BLM: variants seen among roughly 807,000 people sequenced by gnomAD.
BLM encodes BLM RecQ like helicase, also known as recQ-like DNA helicase BLM.
A neutral mutation model predicts 135.3 loss-of-function variants in BLM; 95 were observed. The ratio of observed to expected loss-of-function variants is 0.70; its 90% CI spans 0.59 to 0.83. The LOEUF is 0.83. Ranked by LOEUF, BLM falls within the 40% of genes least tolerant of loss-of-function variation. BLM has a pLI of 0.00. For missense variants in BLM, 1,518 were observed against 1,663.9 expected (o/e 0.91, Z 1.53); for synonymous variants, 520 against 589.2 (o/e 0.88, Z 1.70).
At position 90,765,317 on chromosome 15, in the gene BLM, A is replaced by G. The variant is rs1420055119; in HGVS notation, c.2096A>G (p.Tyr699Cys). 11 of 1,612,810 alleles carry G rather than the reference A, an allele frequency of 6.8e-6. No homozygotes were observed. The highest frequency in any genetic ancestry group is 9.3e-6 in the Non-Finnish European group (11 of 1,178,820). Residue 699 changes from tyrosine (Y) to cysteine (C), a missense_variant, in exon 9 of 22, where the codon TAC (tyrosine) becomes TGC (cysteine). Physicochemically the swap from Tyr to Cys is radical, Grantham distance 194. Transcript: ENST00000355112. ...MPTGGGKSLC[Y>C]QLPACVSPGV... ...TCAGGAGGTGGTAAGAGTTTGTGTT[A>G]CCAGCTCCCTGCCTGTGTTTCTCCT...
At chr15:90,799,626 T>TAAAAAAAAAAAAAAAAAAA (rs10600094) in intron 17 of BLM, among the ~76,000 whole-genome samples, 2 of 108,748 alleles carry the variant, frequency 1.8e-5, no homozygotes, top group South Asian at 3.0e-4. Flanking sequence ...AAGATGCCTG[T>TAAAAAAAAAAAAAAAAAAA]AAAAAAAAAA....
rs1897522215 is a variant in BLM at position 90,815,046 on chromosome 15, G to GT, written c.4077-55dup. The GT allele has an allele frequency of 8.2e-7, 1 of 1,216,194 alleles. No homozygotes were observed. Among genetic ancestry groups the GT allele is most frequent in the Admixed American group, 1.9e-5 (1 of 52,628 alleles). 75.3% of individuals were successfully genotyped at this position (1,216,194 alleles called of 1,614,324 possible). ...TAGCTCTGTGCAGGTTGAGAGGAAG[G>GT]TCATTCATTTTTGGTTTCATTTAAC... On this transcript the variant is annotated intron_variant, in intron 21 of 21. Coordinates refer to ENST00000355112, the MANE Select transcript of BLM (RefSeq NM_000057.4). The surrounding 1 kb of genome is among the most constrained non-coding windows in gnomAD (Gnocchi z 4.6).
At chr15:90,719,028 G>A (rs952375324) in intron 1 of BLM, among the ~76,000 whole-genome samples, 2 of 152,140 alleles carry the variant, frequency 1.3e-5, no homozygotes, top group African/African-American at 4.8e-5. Context: ...GTCTCGCTCT[G>A]TCGCCCAGGC....
chr15:90,719,254 G>A (rs1484297517), intron 1 of BLM, among the ~76,000 whole-genome samples: 2 of 152,192 alleles, frequency 1.3e-5, no homozygotes, highest in Non-Finnish European at 2.9e-5. Flanking sequence ...GCCTCCCAAG[G>A]TGCTGGGATT....
chr15:90,805,149 T>TC (rs1897260997), intron 19 of BLM, among the ~76,000 whole-genome samples: 1 of 151,642 alleles, frequency 6.6e-6, no homozygotes, highest in Non-Finnish European at 1.5e-5. Flanking sequence ...ACTTATTCTT[T>TC]TTTTTTTAAG....
chr15:90,762,933 A>C (rs903549703), intron 7 of BLM, 33 bp from the exon 8 acceptor site: 2 of 1,585,268 alleles, frequency 1.3e-6, no homozygotes, highest in South Asian at 1.1e-5. Context: ...GTATTCATGT[A>C]CTGATTTTTC....
intron 19 of BLM, among the ~76,000 whole-genome samples, chr15:90,805,952 C>T (rs1372794027): frequency 6.6e-6 from 1 of 151,948 alleles, no homozygotes; most frequent in Non-Finnish European, 1.5e-5. Flanking sequence ...TGGGTTCAAA[C>T]GATTCTCCTG....
At chr15:90,755,006 G>T in intron 5 of BLM, 68 bp downstream of exon 5, 1 of 1,570,066 alleles carries the variant, frequency 6.4e-7, no homozygotes. Flanking sequence ...GTAACACAAA[G>T]ATTGTGTTTT....
At position 90,815,046 on chromosome 15, in the gene BLM, G is replaced by T. The variant is rs919498905; in HGVS notation, c.4077-56G>T. 8.2e-7 allele frequency: 1 copy of T among 1,216,294 alleles called. No homozygotes were observed. Among genetic ancestry groups the T allele is most frequent in the Non-Finnish European group, 1.2e-6 (1 of 853,640 alleles). The allele number at this position is 1,216,294 out of a possible 1,614,324, so 75.3% of individuals were successfully genotyped here. On this transcript the variant is annotated intron_variant, in intron 21 of 21. Transcript: ENST00000355112. This position sits in a 1 kb window ranked among gnomAD's most constrained non-coding sequence, Gnocchi z 4.6. ...TAGCTCTGTGCAGGTTGAGAGGAAGGTCATTCATTTTTGGTTTCATTTAAC... is the reference window on the plus strand; with the variant it reads ...TAGCTCTGTGCAGGTTGAGAGGAAGTTCATTCATTTTTGGTTTCATTTAAC...
chr15:90,748,185 C>T lies in BLM; in HGVS notation c.98+695C>T, dbSNP rs575132015. On this transcript the variant is annotated intron_variant, in intron 2 of 21. Transcript: ENST00000355112. ...GTGCCATGGCACAATCTTAGCTCAC[C>T]GCAACCTCCGTCTTCCGGGTTCAAG... Among the ~76,000 whole-genome samples the T allele has an allele frequency of 6.0e-5, 9 of 150,450 alleles. No homozygotes were observed. In the South Asian group the frequency reaches 8.5e-4, roughly 14 times the overall value.
At chr15:90,726,480 CT>C (rs1299965210) in intron 1 of BLM, among the ~76,000 whole-genome samples, 1 of 152,072 alleles carries the variant, frequency 6.6e-6, no homozygotes, top group Non-Finnish European at 1.5e-5. Context: ...GTTGGTCAGG[CT>C]GATCTCAAAC....
At position 90,769,323 on chromosome 15, in the gene BLM, C is replaced by T. The variant is rs898405034; in HGVS notation, c.2406+92C>T. ...TGAATAAAAACCCACACTGAGTGAA[C>T]GAGTCTCCTATTTTACTGAAGAATA... On this transcript the variant is annotated intron_variant, in intron 11 of 21. Coordinates refer to ENST00000355112, the MANE Select transcript of BLM (RefSeq NM_000057.4). The T allele has an allele frequency of 1.0e-5, 16 of 1,535,764 alleles. 1 individual carries two copies. Among genetic ancestry groups the T allele is most frequent in the East Asian group, 4.5e-5 (2 of 44,476 alleles).
At chr15:90,800,967 G>T (rs549923279) in intron 17 of BLM, among the ~76,000 whole-genome samples, 1 of 152,152 alleles carries the variant, frequency 6.6e-6, no homozygotes, top group Non-Finnish European at 1.5e-5. Flanking sequence ...GGCCAACATG[G>T]CAAAACCTCA....
Position 90,815,280 on chromosome 15 carries a change from C to T in BLM, c.*1C>T, listed in dbSNP as rs1897534306. ...TAAGCCTTCATATGCATTCTCATAA[C>T]AACCGAATCTCAATGTACATAGACC... On this transcript the variant is annotated 3_prime_UTR_variant, in exon 22 of 22. Transcript: ENST00000355112. The surrounding 1 kb of genome is among the most constrained non-coding windows in gnomAD (Gnocchi z 4.6). 1 of 1,613,540 alleles carries T rather than the reference C, an allele frequency of 6.2e-7. No individual in the cohort carries two copies. The highest frequency in any genetic ancestry group is 8.5e-7 in the Non-Finnish European group (1 of 1,179,480).
chr15:90,785,998 CTT>C lies in BLM; in HGVS notation c.2823+939_2823+940del, dbSNP rs869185558. On this transcript the variant is annotated intron_variant, in intron 14 of 21. Coordinates refer to ENST00000355112, the MANE Select transcript of BLM (RefSeq NM_000057.4). ...GACATTTGGCTTGTTTCGTTTCTTT[CTT>C]TTTTTTTTTTTTTTTTTTTTTGAGA... is the stretch of plus-strand genomic sequence containing the variant. Among the ~76,000 whole-genome samples, 535 of 110,640 alleles carry C rather than the reference CTT, an allele frequency of 4.8e-3. 2 individuals are homozygous for C. The highest frequency in any genetic ancestry group is 0.016 in the African/African-American group (510 of 32,572). The allele number at this position is 110,640 out of a possible 152,430, so 72.6% of individuals were successfully genotyped here. A position where few individuals can be genotyped will look rare whatever the true frequency, so the allele number is the denominator to read the frequency against.
intron 14 of BLM, chr15:90,790,356 G>T (rs28385072): frequency 2.4e-6 from 1 of 420,136 alleles, no homozygotes; most frequent in East Asian, 5.1e-5. Flanking sequence ...CACATCGTGG[G>T]CTGACTGCAG....
rs751765688 is a variant in BLM at position 90,803,533 on chromosome 15, C to G, written c.3371C>G (p.Ala1124Gly). ...ATCTTCTTATCAGGGAGTAAGAGTGCAAAAATCCAGTCAGGTATATTTGGA... is the reference window on the plus strand; with the variant it reads ...ATCTTCTTATCAGGGAGTAAGAGTGGAAAAATCCAGTCAGGTATATTTGGA... ...LVDIFLGSKS[A>G]KIQSGIFGKG... Residue 1124 changes from alanine to glycine, a missense_variant, in exon 18 of 22, where the codon GCA becomes GGA. Physicochemically the swap from Ala to Gly is moderately conservative, Grantham distance 60. This residue lies in a region of BLM where 626 missense variants were observed against 681.1 expected (regional missense o/e 0.92). Coordinates refer to ENST00000355112, the MANE Select transcript of BLM (RefSeq NM_000057.4). 3 of 1,613,368 alleles carry G rather than the reference C, an allele frequency of 1.9e-6. No homozygotes were observed. In the African/African-American group the frequency reaches 4.0e-5, roughly 22 times the overall value.
intron 12 of BLM, 31 bp downstream of exon 12, chr15:90,769,617 C>A: frequency 1.2e-6 from 2 of 1,608,448 alleles, no homozygotes; most frequent in Non-Finnish European, 1.7e-6. Context: ...TATTTGAGAA[C>A]CCTGGGGCAG....
intron 1 of BLM, among the ~76,000 whole-genome samples, chr15:90,742,292 G>A (rs1895384623): frequency 6.6e-6 from 1 of 152,134 alleles, no homozygotes; most frequent in African/African-American, 2.4e-5. Flanking sequence ...AACAGTCACT[G>A]AGTGAGGCTT....
Sources: allele counts gnomAD v4.1 joint callset (sites outside exome capture counted in the v4.1 genomes callset), GRCh38; gene constraint gnomAD v4.1.1; regional missense constraint gnomAD v4.1.1; non-coding constraint Gnocchi (gnomAD v3.1); transcripts MANE v1.5; gene names NCBI Gene and HGNC (gene_info 2026-07-23, HGNC 2026-07-21).